Variants in FER observed in about 807,000 individuals in gnomAD.
FER encodes tyrosine-protein kinase Fer.
FER carries 63 observed loss-of-function variants against 111.0 expected under a neutral mutation model. The ratio of observed to expected loss-of-function variants is 0.57; its 90% CI spans 0.46 to 0.70. The LOEUF is 0.70. Ranked by LOEUF, FER falls within the 30% of genes least tolerant of loss-of-function variation. FER has a pLI of 0.00. For missense variants in FER, 914 were observed against 954.0 expected (o/e 0.96, Z 0.55); for synonymous variants, 327 against 313.9 (o/e 1.04, Z -0.44).
intron 17 of FER, among the ~76,000 whole-genome samples, chr5:109,116,191 G>A (rs991599338): frequency 5.3e-5 from 8 of 151,916 alleles, no homozygotes; most frequent in Admixed American, 4.6e-4. Context: ...CGAAGAGGTC[G>A]CCATGCTTCC....
chr5:109,113,749 G>A (rs1749903867), intron 17 of FER, among the ~76,000 whole-genome samples: 1 of 152,084 alleles, frequency 6.6e-6, no homozygotes, highest in Non-Finnish European at 1.5e-5. Flanking sequence ...GGTAGGTTAA[G>A]TGTTAAGAAA....
intron 11 of FER, among the ~76,000 whole-genome samples, chr5:108,947,468 T>G (rs1273748923): frequency 1.3e-5 from 2 of 152,120 alleles, no homozygotes; most frequent in Non-Finnish European, 2.9e-5. Context: ...GAGCATTTTT[T>G]CATGTTCTTA....
At chr5:108,996,806 G>T (rs1487401910) in intron 13 of FER, among the ~76,000 whole-genome samples, 2 of 152,108 alleles carry the variant, frequency 1.3e-5, no homozygotes, top group African/African-American at 4.8e-5. Flanking sequence ...AAGAAAGTCA[G>T]TGGTCACTTG....
At chr5:108,894,954 G>C (rs1445577488) in intron 9 of FER, among the ~76,000 whole-genome samples, 1 of 152,118 alleles carries the variant, frequency 6.6e-6, no homozygotes, top group African/African-American at 2.4e-5. Flanking sequence ...ATTTGGGTGA[G>C]GACACAGCCA....
rs116080406 is a variant in FER at position 108,994,006 on chromosome 5, G to C, written c.1656+34659G>C. Among the ~76,000 whole-genome samples the C allele has an allele frequency of 2.6e-5, 4 of 152,086 alleles. No individual in the cohort carries two copies. The East Asian group carries it at 7.7e-4, about 29-fold the overall frequency. ...TCTTGTAAATTTATTTAAGTTCCTT[G>C]TAGGTTCTAGATATTAATACTTTGT... On this transcript the variant is annotated intron_variant, in intron 13 of 19. Coordinates refer to ENST00000281092, the MANE Select transcript of FER (RefSeq NM_005246.4).
At chr5:108,807,370 G>T (rs974962298) in intron 3 of FER, among the ~76,000 whole-genome samples, 2 of 152,142 alleles carry the variant, frequency 1.3e-5, no homozygotes, top group African/African-American at 4.8e-5. Flanking sequence ...GTGTTTCCAG[G>T]AATTTGTCCA....
intron 13 of FER, among the ~76,000 whole-genome samples, chr5:108,988,936 C>T (rs1362352112): frequency 1.3e-5 from 2 of 152,120 alleles, no homozygotes; most frequent in African/African-American, 4.8e-5. Context: ...GAACTTTCCT[C>T]TTAGCACTAC....
chr5:108,854,517 A>G (rs539589484), intron 5 of FER, among the ~76,000 whole-genome samples: 3 of 152,338 alleles, frequency 2.0e-5, no homozygotes, highest in Non-Finnish European at 4.4e-5. Context: ...TGCTCTGCAC[A>G]TGGCATGCCT....
At chr5:108,815,874 G>C (rs985437773) in intron 3 of FER, among the ~76,000 whole-genome samples, 1 of 152,088 alleles carries the variant, frequency 6.6e-6, no homozygotes, top group Non-Finnish European at 1.5e-5. Context: ...TTTTAAAGCA[G>C]TAATTTTTAA....
At chr5:108,848,479 C>G (rs1762240203) in intron 5 of FER, among the ~76,000 whole-genome samples, 1 of 151,880 alleles carries the variant, frequency 6.6e-6, no homozygotes, top group Admixed American at 6.6e-5. Context: ...TTTGTTAGCT[C>G]TAATGTTTTA....
chr5:109,010,300 G>A (rs1766076777), intron 13 of FER, among the ~76,000 whole-genome samples: 1 of 152,120 alleles, frequency 6.6e-6, no homozygotes, highest in African/African-American at 2.4e-5. Context: ...TGAGACTACA[G>A]GCGCCCGCCA....
chr5:108,996,671 G>A (rs143874936), intron 13 of FER, among the ~76,000 whole-genome samples: 1,595 of 152,234 alleles, frequency 0.01, 24 homozygotes, highest in African/African-American at 0.036. Context: ...TAGCCTTGTG[G>A]TATAGTTTGA....
intron 17 of FER, among the ~76,000 whole-genome samples, chr5:109,141,089 C>A (rs956773299): frequency 1.3e-5 from 2 of 152,152 alleles, no homozygotes; most frequent in Non-Finnish European, 2.9e-5. Context: ...CTAACCAGGT[C>A]AGCACCTTCA....
At chr5:108,909,905 A>T (rs1018619124) in intron 10 of FER, among the ~76,000 whole-genome samples, 1 of 151,708 alleles carries the variant, frequency 6.6e-6, no homozygotes, top group Non-Finnish European at 1.5e-5. Flanking sequence ...GAAATTTCAG[A>T]TGTATTAAAT....
chr5:108,925,540 A>G (rs2149564522), intron 10 of FER, among the ~76,000 whole-genome samples: 1 of 152,144 alleles, frequency 6.6e-6, no homozygotes, highest in South Asian at 2.1e-4. Flanking sequence ...TTGCGACTTA[A>G]TTGCCTGCAT....
At chr5:108,847,308 A>G (rs1290525992) in intron 5 of FER, among the ~76,000 whole-genome samples, 2 of 151,580 alleles carry the variant, frequency 1.3e-5, no homozygotes, top group Non-Finnish European at 2.9e-5. Context: ...CTAGTTTCCT[A>G]ATGTTTTATC....
At chr5:108,931,484 A>G (rs1754668863) in intron 10 of FER, among the ~76,000 whole-genome samples, 1 of 152,156 alleles carries the variant, frequency 6.6e-6, no homozygotes, top group Non-Finnish European at 1.5e-5. Flanking sequence ...TTTATCTTTA[A>G]TGAAAAAAGT....
At chr5:108,964,468 G>A (rs774319856) in intron 13 of FER, among the ~76,000 whole-genome samples, 20 of 152,090 alleles carry the variant, frequency 1.3e-4, no homozygotes, top group Admixed American at 7.9e-4. Flanking sequence ...TCGAAGAGCC[G>A]TAGAGGTGTT....
At chr5:108,774,365 C>T (rs141024965) in intron 2 of FER, among the ~76,000 whole-genome samples, 39 of 152,022 alleles carry the variant, frequency 2.6e-4, no homozygotes, top group Non-Finnish European at 4.6e-4. Context: ...AATAAACATA[C>T]GTGTGTGTGT....
Sources: gnomAD v4.1 joint callset for allele counts (sites outside exome capture counted in the v4.1 genomes callset) on GRCh38, gnomAD v4.1.1 for gene constraint, MANE v1.5 for transcripts, NCBI Gene and HGNC (gene_info 2026-07-23, HGNC 2026-07-21) for gene names.